The following TTYH2 variants were observed in gnomAD, a reference collection of about 807,000 sequenced individuals.
The protein encoded by TTYH2 is tweety family member 2.
In TTYH2, 49 loss-of-function variants were observed where a neutral mutation model predicts 68.3. The ratio of observed to expected loss-of-function variants is 0.72; its 90% confidence interval spans 0.57 to 0.91. TTYH2 has a LOEUF of 0.91. Among genes scored for constraint, TTYH2 ranks in the 40% least tolerant of loss-of-function variants. The pLI, the probability that TTYH2 is intolerant of heterozygous loss-of-function variation, is 0.00. For synonymous variants in TTYH2, 272 were observed against 300.8 expected (o/e 0.90, Z 0.99); for missense variants, 631 against 700.4 (o/e 0.90, Z 1.12).
At chr17:74,246,264 G>A (rs2050556734) in intron 6 of TTYH2, among the ~76,000 whole-genome samples, 1 of 152,096 alleles carries the variant, frequency 6.6e-6, no homozygotes, top group South Asian at 2.1e-4. Flanking sequence ...TGTGGCCTCT[G>A]CAGCCACCCT....
chr17:74,228,362 T>C (rs2050353649), intron 2 of TTYH2, among the ~76,000 whole-genome samples: 1 of 152,108 alleles, frequency 6.6e-6, no homozygotes, highest in Admixed American at 6.6e-5. Context: ...CAAATATAAG[T>C]GTGGACGTGT....
intron 1 of TTYH2, among the ~76,000 whole-genome samples, chr17:74,218,061 C>T (rs555760193): frequency 2.0e-4 from 30 of 152,134 alleles, no homozygotes; most frequent in African/African-American, 6.5e-4. Context: ...TCCTCCATTC[C>T]CCTCCACCTC....
At chr17:74,260,049 C>T in intron 13 of TTYH2, 80 bp from the exon 14 acceptor site, 2 of 1,332,450 alleles carry the variant, frequency 1.5e-6, no homozygotes, top group Non-Finnish European at 2.1e-6. Flanking sequence ...CAGTTCCACT[C>T]TGAGAAGTCC....
At chr17:74,240,622 GCATAAC>G (rs1031653476) in intron 4 of TTYH2, among the ~76,000 whole-genome samples, 1 of 152,178 alleles carries the variant, frequency 6.6e-6, no homozygotes, top group African/African-American at 2.4e-5. Flanking sequence ...TAGTCCTTGA[GCATAAC>G]CATGCAGCAA....
At chr17:74,256,372 G>A (rs1219514066) in intron 13 of TTYH2, among the ~76,000 whole-genome samples, 7 of 152,072 alleles carry the variant, frequency 4.6e-5, no homozygotes, top group African/African-American at 1.2e-4. Context: ...CACAAAGCAC[G>A]GTGCAGCCCC....
In TTYH2 at chr17:74,249,404, G is replaced by A. The variant is rs747853977; in HGVS notation, c.930+5G>A. ...GGAAGCAGCCCCTTCCAGCAGGTATGGCCCCCCGAGGCCTGCCCTCACCCT... is the reference window on the plus strand; with the variant it reads ...GGAAGCAGCCCCTTCCAGCAGGTATAGCCCCCCGAGGCCTGCCCTCACCCT... On this transcript the variant is annotated splice_donor_5th_base_variant and intron_variant, in intron 8 of 13. Transcript: ENST00000269346. 6.2e-7 allele frequency: 1 copy of A among 1,613,560 alleles called. No individual in the cohort carries two copies. Among genetic ancestry groups the A allele is most frequent in the Admixed American group, 1.7e-5 (1 of 60,014 alleles).
At chr17:74,249,529 C>A in intron 8 of TTYH2, 130 bp downstream of exon 8, 1 of 980,828 alleles carries the variant, frequency 1.0e-6, no homozygotes. Context: ...TCCTTAGCTG[C>A]TTCTGTGAGG....
chr17:74,249,336 C>T lies in TTYH2; in HGVS notation c.875-8C>T. 6.2e-7 allele frequency: 1 copy of T among 1,614,104 alleles called. No homozygotes were observed. Among genetic ancestry groups the T allele is most frequent in the Non-Finnish European group, 8.5e-7 (1 of 1,180,010 alleles). On this transcript the variant is annotated splice_polypyrimidine_tract_variant and splice_region_variant and intron_variant, in intron 7 of 13. Coordinates refer to ENST00000269346, the MANE Select transcript of TTYH2 (RefSeq NM_032646.6). The stretch of plus-strand genomic sequence containing the variant: ...TGAGCTGCCTAACGTTATGCCGTTG[C>T]CCTGCAGAGGTGACTCGCTACTACC...
At chr17:74,229,314 A>G (rs34673968) in intron 2 of TTYH2, among the ~76,000 whole-genome samples, 37,658 of 152,024 alleles carry the variant, frequency 0.25, 6,101 homozygotes, top group African/African-American at 0.47. Context: ...CAGGTAACCT[A>G]GGCCCTCCCC....
At chr17:74,256,521 G>A (rs934129220) in intron 13 of TTYH2, among the ~76,000 whole-genome samples, 1 of 152,164 alleles carries the variant, frequency 6.6e-6, no homozygotes, top group African/African-American at 2.4e-5. Context: ...GCTTTTGCCT[G>A]GAGCACCTCA....
In TTYH2 at chr17:74,255,300, G is replaced by C. The variant is rs372971944; in HGVS notation, c.1524+1467G>C. Among the ~76,000 whole-genome samples, 9 of 152,158 alleles carry C rather than the reference G, an allele frequency of 5.9e-5. No homozygotes were observed. In the East Asian group the frequency reaches 9.6e-4, roughly 16 times the overall value. ...TGGGAATACTAGCACATTCCTCCTCGGTGGTGTGTGCAATGGGCAAATTGA... is the reference window on the plus strand; with the variant it reads ...TGGGAATACTAGCACATTCCTCCTCCGTGGTGTGTGCAATGGGCAAATTGA... On this transcript the variant is annotated intron_variant, in intron 13 of 13. Coordinates refer to ENST00000269346, the MANE Select transcript of TTYH2 (RefSeq NM_032646.6).
chr17:74,254,420 G>C (rs556728934), intron 13 of TTYH2, among the ~76,000 whole-genome samples: 1 of 152,128 alleles, frequency 6.6e-6, no homozygotes, highest in Non-Finnish European at 1.5e-5. Context: ...CACCCGCCTC[G>C]GCCTCCCAAA....
chr17:74,226,572 G>A (rs1462948282), intron 2 of TTYH2, among the ~76,000 whole-genome samples: 1 of 152,172 alleles, frequency 6.6e-6, no homozygotes, highest in Non-Finnish European at 1.5e-5. Context: ...AGGAAGGAGA[G>A]TCGGGACAGC....
intron 11 of TTYH2, 64 bp downstream of exon 11, chr17:74,252,440 G>A: frequency 6.4e-7 from 1 of 1,567,272 alleles, no homozygotes; most frequent in Non-Finnish European, 8.6e-7. Flanking sequence ...CAGCAGACAG[G>A]GGCCTCTGCT....
chr17:74,218,674 G>A (rs2050245048), intron 1 of TTYH2, among the ~76,000 whole-genome samples: 1 of 152,230 alleles, frequency 6.6e-6, no homozygotes, highest in Non-Finnish European at 1.5e-5. Context: ...GGCTGCCGAA[G>A]GGGGAGACCG....
At chr17:74,250,668 C>T (rs7225236) in intron 10 of TTYH2, 97,463 of 252,914 alleles carry the variant, frequency 0.39, 19,969 homozygotes, top group African/African-American at 0.53. Flanking sequence ...TAGCCATTTC[C>T]TCAACACATC....
At position 74,253,151 on chromosome 17, in the gene TTYH2, A is replaced by G. The variant is rs779446614; in HGVS notation, c.1330A>G (p.Ser444Gly). The change falls in exon 12 of 14, where the codon AGT becomes GGT. Residue 444 changes from serine (S) to glycine (G), a missense_variant. Transcript: ENST00000269346. ...CCAAGCCTGGCGCATGGCGGCTCACAGTCCCCCGAGGGGACAGCTTCACAG... is the reference window on the plus strand; with the variant it reads ...CCAAGCCTGGCGCATGGCGGCTCACGGTCCCCCGAGGGGACAGCTTCACAG... The part of the protein sequence containing the change: ...NPQAWRMAAH[S>G]PPRGQLHSFC... 6.2e-7 allele frequency: 1 copy of G among 1,613,944 alleles called. No individual in the cohort carries two copies.
rs1210413021 is a variant in TTYH2 at position 74,260,655 on chromosome 17, T to G, written c.*446T>G. 2 of 201,564 alleles carry G rather than the reference T, an allele frequency of 9.9e-6. No homozygotes were observed. The highest frequency in any genetic ancestry group is 1.0e-5 in the Non-Finnish European group (1 of 95,274). The allele number at this position is 201,564 out of a possible 1,614,324, so 12.5% of individuals were successfully genotyped here. A position where few individuals can be genotyped will look rare whatever the true frequency, so the allele number is the denominator to read the frequency against. ...AGACGACCCCTCTGTCCTCGTTCCC[T>G]GTCCTCGTTCCCTGCAGGTAACATG... is the stretch of plus-strand genomic sequence containing the variant. On this transcript the variant is annotated 3_prime_UTR_variant, in exon 14 of 14. Transcript: ENST00000269346.
chr17:74,257,549 C>T (rs184824381), intron 13 of TTYH2, among the ~76,000 whole-genome samples: 29 of 152,326 alleles, frequency 1.9e-4, no homozygotes, highest in African/African-American at 5.3e-4. Flanking sequence ...CTCCCTCTGC[C>T]GAGCACCCTC....
Sources: gnomAD v4.1 joint callset for allele counts (sites outside exome capture counted in the v4.1 genomes callset) on GRCh38, gnomAD v4.1.1 for gene constraint, MANE v1.5 for transcripts, NCBI Gene and HGNC (gene_info 2026-07-23, HGNC 2026-07-21) for gene names.